ZBTB40: variants seen among roughly 807,000 people sequenced by gnomAD.
The protein encoded by ZBTB40 is zinc finger and BTB domain-containing protein 40.
Under a neutral mutation model 117.5 loss-of-function variants are expected in ZBTB40, and 60 were observed. The observed-to-expected ratio is 0.51, with a 90% CI of 0.41 to 0.63. The LOEUF (loss-of-function observed/expected upper bound fraction) is 0.63, where lower values mean the gene tolerates loss of function less well. ZBTB40 is among the 30% of genes least tolerant of loss of function. ZBTB40 has a pLI of 0.00. For missense variants in ZBTB40, 1,287 were observed against 1,498.5 expected, an observed-to-expected ratio of 0.86 and a Z score of 2.33; for synonymous variants, 525 against 577.1, an observed-to-expected ratio of 0.91 and a Z score of 1.29.
chr1:22,524,119 T>G, intron 16 of ZBTB40, 99 bp from the exon 17 acceptor site: 1 of 1,172,508 alleles, frequency 8.5e-7, no homozygotes, highest in Admixed American at 1.9e-5. Context: ...GCCTCGATCC[T>G]CATTGCTCTT....
intron 16 of ZBTB40, 93 bp downstream of exon 16, chr1:22,522,556 T>A: frequency 1.7e-6 from 2 of 1,211,568 alleles, no homozygotes; most frequent in Non-Finnish European, 2.4e-6. Flanking sequence ...CTAAATCGCT[T>A]AACAAACCTG....
At position 22,529,743 on chromosome 1, in the gene ZBTB40, T is replaced by C. The variant is rs1218199457; in HGVS notation, c.*3347T>C. On this transcript the variant is annotated 3_prime_UTR_variant, in exon 18 of 18. Coordinates refer to ENST00000375647, the MANE Select transcript of ZBTB40 (RefSeq NM_014870.4). ...CAGGGTCTGCAGTGTGAGTACCAGG[T>C]TTCCCTGGCAATCCAGGTCTCCTCT... is the stretch of plus-strand genomic sequence containing the variant. The C allele has an allele frequency of 1.3e-5, 2 of 152,164 alleles. No homozygotes were observed. The highest frequency in any genetic ancestry group is 3.8e-4 in the East Asian group (2 of 5,268). The allele number at this position is 152,164 out of a possible 1,614,324, so 9.4% of individuals were successfully genotyped here. A position where few individuals can be genotyped will look rare whatever the true frequency, so the allele number is the denominator to read the frequency against.
At chr1:22,444,005 C>T (rs1449942128) in intron 1 of ZBTB40, among the ~76,000 whole-genome samples, 1 of 152,082 alleles carries the variant, frequency 6.6e-6, no homozygotes, top group Non-Finnish European at 1.5e-5. Flanking sequence ...AATGGGGGTC[C>T]CTTTGTTCCA....
intron 1 of ZBTB40, among the ~76,000 whole-genome samples, chr1:22,444,441 A>G (rs972862200): frequency 4.6e-5 from 7 of 152,056 alleles, no homozygotes; most frequent in African/African-American, 1.7e-4. Context: ...ATAATTGGTC[A>G]GTGTTACCAA....
chr1:22,469,522 A>G (rs1020648580), intron 1 of ZBTB40, among the ~76,000 whole-genome samples: 2 of 152,080 alleles, frequency 1.3e-5, no homozygotes, highest in African/African-American at 4.8e-5. Context: ...AGGTCAAGTC[A>G]CAAATCCACC....
At chr1:22,476,039 G>A (rs761210131) in intron 1 of ZBTB40, among the ~76,000 whole-genome samples, 9 of 152,176 alleles carry the variant, frequency 5.9e-5, no homozygotes, top group Non-Finnish European at 1.2e-4. Flanking sequence ...GAACTTGCCA[G>A]CAATTGCGGA....
At chr1:22,505,261 TGCATA>T (rs1444420446) in intron 5 of ZBTB40, among the ~76,000 whole-genome samples, 3 of 152,230 alleles carry the variant, frequency 2.0e-5, no homozygotes, top group African/African-American at 7.2e-5. Flanking sequence ...AGCTAAGCTA[TGCATA>T]TTATGCTGTA....
intron 1 of ZBTB40, among the ~76,000 whole-genome samples, chr1:22,431,835 T>G: frequency 6.6e-6 from 1 of 152,212 alleles, no homozygotes; most frequent in Non-Finnish European, 1.5e-5. Flanking sequence ...TGGTATTTTT[T>G]TATCTTCTTG....
chr1:22,431,294 ATATATT>A (rs1640581274), intron 1 of ZBTB40, among the ~76,000 whole-genome samples: 1 of 146,142 alleles, frequency 6.8e-6, no homozygotes, highest in African/African-American at 2.5e-5. Flanking sequence ...TATATATTGA[ATATATT>A]GAATATACAG....
At chr1:22,438,531 A>G (rs1640697942) in intron 1 of ZBTB40, among the ~76,000 whole-genome samples, 1 of 152,162 alleles carries the variant, frequency 6.6e-6, no homozygotes, top group Non-Finnish European at 1.5e-5. Context: ...TTTGGAGTAT[A>G]CACCCAGAAG....
At chr1:22,475,864 T>C (rs1014474461) in intron 1 of ZBTB40, among the ~76,000 whole-genome samples, 42 of 152,288 alleles carry the variant, frequency 2.8e-4, no homozygotes, top group African/African-American at 1.0e-3. Flanking sequence ...GTTAATTATT[T>C]ATGTATGTTA....
chr1:22,461,156 A>T (rs1178823664), intron 1 of ZBTB40, among the ~76,000 whole-genome samples: 1 of 152,134 alleles, frequency 6.6e-6, no homozygotes, highest in Non-Finnish European at 1.5e-5. Flanking sequence ...TTACTTTTGA[A>T]TGTTGCTCTG....
chr1:22,490,371 A>G lies in ZBTB40; in HGVS notation c.423A>G (p.Pro141=), dbSNP rs1638593220. ...CCTCAGAGACATTCAGAAAGGAACC[A>G]GAGAAGCCTCAAGTAGAAATCCTTT... is the stretch of plus-strand genomic sequence containing the variant. The part of the protein sequence containing the change: ...APSSETFRKE[P]EKPQVEILSS... The change falls in exon 2 of 18, where the codon CCA becomes CCG. Residue 141 remains proline (P), a synonymous_variant. Transcript: ENST00000375647. 6.2e-7 allele frequency: 1 copy of G among 1,614,024 alleles called. No individual in the cohort carries two copies. Among genetic ancestry groups the G allele is most frequent in the Admixed American group, 1.7e-5 (1 of 60,000 alleles).
chr1:22,517,601 CCAGAGT>C, intron 13 of ZBTB40, 137 bp downstream of exon 13: 1 of 1,012,656 alleles, frequency 9.9e-7, no homozygotes, highest in Non-Finnish European at 1.4e-6. Flanking sequence ...GCTGCAAAAC[CCAGAGT>C]CCCTCATTCC....
At chr1:22,507,664 A>G (rs759064945) in intron 6 of ZBTB40, among the ~76,000 whole-genome samples, 7 of 152,132 alleles carry the variant, frequency 4.6e-5, no homozygotes, top group Non-Finnish European at 8.8e-5. Context: ...CGGATCCTCT[A>G]CCTCAGGCTT....
At position 22,512,125 on chromosome 1, in the gene ZBTB40, C is replaced by T. The variant is rs1348855791; in HGVS notation, c.2452C>T (p.His818Tyr). 1 of 1,612,860 alleles carries T rather than the reference C, an allele frequency of 6.2e-7. No homozygotes were observed. The highest frequency in any genetic ancestry group is 8.5e-7 in the Non-Finnish European group (1 of 1,180,024). Reference sequence around the variant, plus strand: ...TGACCTCTGTGGCAGAGAATTTGCCCATGCCTCAGGTACGTTCAAGAAGGC... The same window carrying T: ...TGACCTCTGTGGCAGAGAATTTGCCTATGCCTCAGGTACGTTCAAGAAGGC... ...TCDLCGREFA[H>Y]ASGMQYHKLT... Residue 818 changes from histidine (H) to tyrosine (Y), a missense_variant, in exon 11 of 18, where the codon CAT (histidine) becomes TAT (tyrosine). Around this residue, in one of 2 missense-constraint regions of ZBTB40, gnomAD observed 417 missense variants for 564.1 expected, o/e 0.74. Coordinates refer to ENST00000375647, the MANE Select transcript of ZBTB40 (RefSeq NM_014870.4).
At chr1:22,502,711 A>G (rs563510731) in intron 5 of ZBTB40, among the ~76,000 whole-genome samples, 1 of 151,876 alleles carries the variant, frequency 6.6e-6, no homozygotes, top group Non-Finnish European at 1.5e-5. Context: ...AGTTGGACAG[A>G]TGGATGGATG....
chr1:22,437,133 A>G lies in ZBTB40; in HGVS notation c.-70+8119A>G, dbSNP rs1036708152. ...TAAAAGCCAAACAAACTAAACATCA[A>G]CAACCCTTAGATTTGTAGAGAAGTG... On this transcript the variant is annotated intron_variant, in intron 1 of 8. Transcript: ENST00000650433. Among the ~76,000 whole-genome samples, 31 of 152,354 alleles carry G rather than the reference A, an allele frequency of 2.0e-4. 1 individual carries two copies. The highest frequency in any genetic ancestry group is 4.0e-4 in the Non-Finnish European group (27 of 68,038).
intron 15 of ZBTB40, among the ~76,000 whole-genome samples, chr1:22,522,160 C>T (rs1226213008): frequency 6.6e-6 from 1 of 152,226 alleles, no homozygotes; most frequent in Non-Finnish European, 1.5e-5. Context: ...ATTTCATTCT[C>T]ACAACATCCC....
Sources: allele counts gnomAD v4.1 joint callset (sites outside exome capture counted in the v4.1 genomes callset), GRCh38; gene constraint gnomAD v4.1.1; regional missense constraint gnomAD v4.1.1; transcripts MANE v1.5; gene names NCBI Gene and HGNC (gene_info 2026-07-23, HGNC 2026-07-21).